GRAMD1B: variants seen among roughly 807,000 people sequenced by gnomAD.
GRAMD1B encodes the protein GRAM domain containing 1B, also known as protein Aster-B.
A neutral mutation model predicts 99.7 loss-of-function variants in GRAMD1B; 37 were observed. That is an observed-to-expected ratio of 0.37 (90% CI 0.29 to 0.49). GRAMD1B has a LOEUF of 0.49. Among genes scored for constraint, GRAMD1B ranks in the 20% least tolerant of loss-of-function variants. The pLI, the probability that GRAMD1B is intolerant of heterozygous loss-of-function variation, is 0.98. For synonymous variants in GRAMD1B, 427 were observed against 387.6 expected (o/e 1.10, Z -1.19); for missense variants, 888 against 1,009.2 (o/e 0.88, Z 1.63).
chr11:123,430,807 C>G lies in GRAMD1B; in HGVS notation c.15C>G (p.Asn5Lys). 1.4e-6 allele frequency: 1 copy of G among 690,242 alleles called. No homozygotes were observed. 42.8% of individuals were successfully genotyped at this position (690,242 alleles called of 1,614,324 possible). Residue 5 changes from asparagine to lysine, a missense_variant, in exon 1 of 20, where the codon AAC (asparagine) becomes AAG (lysine). Asn to Lys is a moderately conservative substitution (Grantham distance 94, BLOSUM62 0). Coordinates refer to ENST00000635736, the MANE Select transcript of GRAMD1B (RefSeq NM_001387025.1). MPAA[N>K]MMENRPLPAL... ...CGACGGCCCCCATGCCGGCGGCCAA[C>G]ATGATGGAGAACCGGCCGCTGCCCG...
intron 7 of GRAMD1B, chr11:123,598,086 C>A (rs1262506885): frequency 6.4e-7 from 1 of 1,568,738 alleles, no homozygotes; most frequent in South Asian, 1.1e-5. Flanking sequence ...AAGGAGACAG[C>A]ATCTTTAATC....
chr11:123,523,060 G>C (rs1037725031), intron 2 of GRAMD1B, among the ~76,000 whole-genome samples: 2 of 152,128 alleles, frequency 1.3e-5, no homozygotes, highest in Non-Finnish European at 2.9e-5. Flanking sequence ...GGCTGGGCGC[G>C]GTGGCTCATG....
intron 2 of GRAMD1B, among the ~76,000 whole-genome samples, chr11:123,570,581 G>A (rs950053267): frequency 6.6e-6 from 1 of 151,732 alleles, no homozygotes; most frequent in South Asian, 2.1e-4. Context: ...GCACCACCAC[G>A]CCCAGCTTAT....
At chr11:123,478,045 G>A (rs76975236) in intron 1 of GRAMD1B, among the ~76,000 whole-genome samples, 1,586 of 152,064 alleles carry the variant, frequency 0.01, 23 homozygotes, top group African/African-American at 0.037. Context: ...CACCCGCCTC[G>A]CCTCCCAAAG....
chr11:123,427,285 G>A (rs1244292060), upstream of GRAMD1B, among the ~76,000 whole-genome samples: 1 of 152,168 alleles, frequency 6.6e-6, no homozygotes, highest in Non-Finnish European at 1.5e-5. Flanking sequence ...CAGAAGGCAT[G>A]AGTTCCAATT....
chr11:123,425,463 C>T (rs1431687124), upstream of GRAMD1B, among the ~76,000 whole-genome samples: 1 of 152,188 alleles, frequency 6.6e-6, no homozygotes, highest in African/African-American at 2.4e-5. Context: ...AGTACAAGGG[C>T]AGCCAAATAT....
chr11:123,545,251 C>T (rs543556132), intron 2 of GRAMD1B, among the ~76,000 whole-genome samples: 1 of 152,356 alleles, frequency 6.6e-6, no homozygotes, highest in South Asian at 2.1e-4. Flanking sequence ...ACCCTTTCTC[C>T]AGTGCCTTCC....
intron 1 of GRAMD1B, among the ~76,000 whole-genome samples, chr11:123,408,306 G>A (rs771357286): frequency 4.6e-5 from 7 of 152,202 alleles, no homozygotes; most frequent in Non-Finnish European, 1.0e-4. Context: ...TACACTGGTG[G>A]AGAAAACCAG....
At chr11:123,360,403 C>T (rs1390453791) in intron 1 of GRAMD1B, among the ~76,000 whole-genome samples, 2 of 152,180 alleles carry the variant, frequency 1.3e-5, no homozygotes, top group Admixed American at 6.5e-5. Flanking sequence ...TTTCCTTTGG[C>T]GTATTTATTT....
At chr11:123,607,288 T>C (rs1952873918) in intron 11 of GRAMD1B, among the ~76,000 whole-genome samples, 1 of 152,236 alleles carries the variant, frequency 6.6e-6, no homozygotes, top group South Asian at 2.1e-4. Flanking sequence ...CTAATTTTTG[T>C]AAGCAGGTAG....
At chr11:123,422,469 T>C (rs1486662634) in intron 1 of GRAMD1B, among the ~76,000 whole-genome samples, 2 of 152,272 alleles carry the variant, frequency 1.3e-5, no homozygotes, top group Non-Finnish European at 2.9e-5. Flanking sequence ...AGCTTCTTCC[T>C]GTGTCATAAA....
intron 2 of GRAMD1B, among the ~76,000 whole-genome samples, chr11:123,565,751 G>A (rs957714822): frequency 6.6e-6 from 1 of 152,122 alleles, no homozygotes; most frequent in East Asian, 1.9e-4. Context: ...ACCACTATGC[G>A]CTCCTTCCAA....
intron 12 of GRAMD1B, among the ~76,000 whole-genome samples, chr11:123,609,273 A>C (rs879257054): frequency 6.6e-6 from 1 of 152,084 alleles, no homozygotes; most frequent in Non-Finnish European, 1.5e-5. Context: ...GCCGGGCCTC[A>C]CATCTAGGAT....
chr11:123,572,524 G>A (rs1489116143), intron 2 of GRAMD1B, among the ~76,000 whole-genome samples: 2 of 152,218 alleles, frequency 1.3e-5, no homozygotes, highest in African/African-American at 2.4e-5. Flanking sequence ...AGCAAGTTTA[G>A]TGCTGACTTT....
Position 123,613,613 on chromosome 11 carries a change from A to G in GRAMD1B, c.2182A>G (p.Thr728Ala), listed in dbSNP as rs1953912063. The G allele has an allele frequency of 3.7e-6, 6 of 1,613,740 alleles. No homozygotes were observed. In the South Asian group the frequency reaches 6.6e-5, roughly 18 times the overall value. ...HLEEVMSPVT[T>A]PTDEDVGHRI... ...GGAAGAGGTGATGAGCCCGGTCACC[A>G]CGCCCACAGATGAGGATGTGGGCCA... The change falls in exon 16 of 20, where the codon ACG (threonine) becomes GCG (alanine). Residue 728 changes from threonine to alanine, a missense_variant. Thr to Ala is a moderately conservative substitution (Grantham distance 58, BLOSUM62 0). Transcript: ENST00000635736.
intron 1 of GRAMD1B, among the ~76,000 whole-genome samples, chr11:123,395,471 A>C (rs1382208649): frequency 6.6e-6 from 1 of 152,074 alleles, no homozygotes; most frequent in Non-Finnish European, 1.5e-5. Flanking sequence ...CAACAACAAC[A>C]ACAACAACAA....
intron 2 of GRAMD1B, among the ~76,000 whole-genome samples, chr11:123,547,609 C>T (rs913042533): frequency 3.3e-5 from 5 of 152,210 alleles, no homozygotes; most frequent in Non-Finnish European, 7.3e-5. Flanking sequence ...CTTTTGCTTC[C>T]CCTCTCTCTT....
rs1050729740 is a variant in GRAMD1B at position 123,510,817 on chromosome 11, G to T, written c.452+29924G>T. On this transcript the variant is annotated intron_variant, in intron 2 of 19. Transcript: ENST00000635736. This position sits in a 1 kb window ranked among gnomAD's most constrained non-coding sequence, Gnocchi z 4.3. ...GCCCGCCACTCGTGAGCATCCAGGG[G>T]CTGTGTCAGAGTGGAGGGAAATGTT... Among the ~76,000 whole-genome samples, 7 of 152,176 alleles carry T rather than the reference G, an allele frequency of 4.6e-5. No individual in the cohort carries two copies. The highest frequency in any genetic ancestry group is 1.9e-4 in the East Asian group (1 of 5,176).
chr11:123,359,681 G>A (rs572350077), intron 1 of GRAMD1B, among the ~76,000 whole-genome samples: 5 of 152,200 alleles, frequency 3.3e-5, no homozygotes, highest in South Asian at 2.1e-4. Context: ...TATTGAAGAG[G>A]GGTAGGGTGG....
Sources: gnomAD v4.1 joint callset for allele counts (sites outside exome capture counted in the v4.1 genomes callset) on GRCh38, gnomAD v4.1.1 for gene constraint, Gnocchi (gnomAD v3.1) non-coding constraint, MANE v1.5 for transcripts, NCBI Gene and HGNC (gene_info 2026-07-23, HGNC 2026-07-21) for gene names.